Variants in RARB observed in about 807,000 individuals in gnomAD.
The protein encoded by RARB is retinoic acid receptor beta.
A neutral mutation model predicts 51.9 loss-of-function variants in RARB; 17 were observed. The observed-to-expected ratio is 0.33, with a 90% confidence interval of 0.22 to 0.49. The LOEUF (loss-of-function observed/expected upper bound fraction) is 0.49. Among genes scored for constraint, RARB ranks in the 20% least tolerant of loss-of-function variants. The pLI, the probability that RARB is intolerant of heterozygous loss-of-function variation, is 0.99. For synonymous variants in RARB, 215 were observed against 195.4 expected (o/e 1.10, Z -0.84); for missense variants, 369 against 550.8 (o/e 0.67, Z 3.30).
In RARB at chr3:25,106,986, C is replaced by T. The variant is rs139046862; in HGVS notation, c.-327-25175C>T. On this transcript the variant is annotated intron_variant, in intron 3 of 11. Coordinates refer to the RARB transcript ENST00000383772. Reference sequence around the variant, plus strand: ...CACGATCTCAGCTCACTGCAACCTCCGCCTCCCGGGTTCAAGCAATTCTCC... The same window carrying T: ...CACGATCTCAGCTCACTGCAACCTCTGCCTCCCGGGTTCAAGCAATTCTCC... Among the ~76,000 whole-genome samples the T allele has an allele frequency of 3.3e-3, 507 of 151,956 alleles. 4 individuals are homozygous for T. In the East Asian group the frequency reaches 0.035, roughly 10 times the overall value.
At chr3:24,912,521 T>C (rs922886917) in intron 2 of RARB, among the ~76,000 whole-genome samples, 1 of 152,134 alleles carries the variant, frequency 6.6e-6, no homozygotes, top group African/African-American at 2.4e-5. Context: ...GTAGGGAGAA[T>C]AGAAACCAAT....
intron 5 of RARB, among the ~76,000 whole-genome samples, chr3:25,295,734 A>G (rs1057371986): frequency 6.6e-6 from 1 of 152,198 alleles, no homozygotes; most frequent in Non-Finnish European, 1.5e-5. Flanking sequence ...TGTGGACAAG[A>G]TGGGACTATT....
intron 4 of RARB, among the ~76,000 whole-genome samples, chr3:25,132,573 G>T (rs1699970686): frequency 2.0e-5 from 3 of 151,776 alleles, no homozygotes; most frequent in South Asian, 2.1e-4. Flanking sequence ...CGTTATGCTT[G>T]GCACTTTTAT....
chr3:25,322,418 T>C (rs1704598207), intron 5 of RARB, among the ~76,000 whole-genome samples: 3 of 152,190 alleles, frequency 2.0e-5, no homozygotes, highest in South Asian at 2.1e-4. Flanking sequence ...AAGTAAAATA[T>C]TGACTTGACC....
At chr3:25,466,624 A>G (rs893711433) in intron 2 of RARB, among the ~76,000 whole-genome samples, 3 of 152,146 alleles carry the variant, frequency 2.0e-5, no homozygotes, top group African/African-American at 7.2e-5. Context: ...TCAAAATAAC[A>G]CTGCCTCTTT....
At chr3:24,987,675 C>A (rs1369328612) in intron 2 of RARB, among the ~76,000 whole-genome samples, 2 of 152,156 alleles carry the variant, frequency 1.3e-5, no homozygotes, top group African/African-American at 4.8e-5. Flanking sequence ...AGGTCTAAAT[C>A]CTGGTGGAAA....
Position 24,974,934 on chromosome 3 carries a change from T to C in RARB, c.-379-85191T>C, listed in dbSNP as rs1030909716. 5.9e-5 allele frequency among the ~76,000 whole-genome samples: 9 copies of C among 152,292 alleles called. No homozygotes were observed. In the Middle Eastern group the frequency reaches 0.014, roughly 230 times the overall value. On this transcript the variant is annotated intron_variant, in intron 2 of 11. Coordinates refer to the RARB transcript ENST00000383772. ...AAATGTTATACAAGGTTGGATTGTT[T>C]AGCTTTTAGAGCCACACTGGCCAAT...
At position 25,061,250 on chromosome 3, in the gene RARB, T is replaced by C. The variant is rs572546468; in HGVS notation, c.-328+1074T>C. 8.6e-5 allele frequency among the ~76,000 whole-genome samples: 13 copies of C among 151,992 alleles called. 1 individual carries two copies. The South Asian group carries it at 2.7e-3, about 31-fold the overall frequency. On this transcript the variant is annotated intron_variant, in intron 3 of 11. Coordinates refer to the RARB transcript ENST00000383772. ...TATTCATCATTTCCTTCGTTATTAT[T>C]TTGGGAGAAAGATAAATATGTACAT...
intron 2 of RARB, among the ~76,000 whole-genome samples, chr3:25,466,313 G>A (rs368653067): frequency 4.6e-5 from 7 of 152,008 alleles, no homozygotes; most frequent in African/African-American, 1.7e-4. Flanking sequence ...TCAGCCTCCC[G>A]AGTAGCTGGG....
chr3:25,102,494 C>G (rs547300239), intron 3 of RARB, among the ~76,000 whole-genome samples: 1 of 151,666 alleles, frequency 6.6e-6, no homozygotes, highest in African/African-American at 2.4e-5. Flanking sequence ...GAGCCAAGAT[C>G]GTGCCATTGC....
At chr3:25,421,837 A>G (rs1220784115) in intron 5 of RARB, among the ~76,000 whole-genome samples, 4 of 152,220 alleles carry the variant, frequency 2.6e-5, no homozygotes, top group Admixed American at 2.6e-4. Context: ...CTAGCCAGAC[A>G]GCTAGTAAGA....
At chr3:25,201,782 C>G (rs974928392) in intron 5 of RARB, among the ~76,000 whole-genome samples, 4 of 152,102 alleles carry the variant, frequency 2.6e-5, no homozygotes, top group Non-Finnish European at 4.4e-5. Flanking sequence ...GGATGAAGCC[C>G]ACTTGATCGT....
intron 5 of RARB, among the ~76,000 whole-genome samples, chr3:25,279,698 C>T (rs762084514): frequency 2.0e-5 from 3 of 151,258 alleles, no homozygotes; most frequent in Non-Finnish European, 2.9e-5. Flanking sequence ...ATGGCCAGAG[C>T]CAATGAAGAA....
chr3:25,468,489 TAA>T (rs1448759347), intron 2 of RARB, among the ~76,000 whole-genome samples: 1 of 151,020 alleles, frequency 6.6e-6, no homozygotes, highest in Non-Finnish European at 1.5e-5. Flanking sequence ...TCCGAGTAGT[TAA>T]GGAACGTGGC....
intron 2 of RARB, among the ~76,000 whole-genome samples, chr3:24,913,855 A>T (rs1432862597): frequency 6.6e-6 from 1 of 152,244 alleles, no homozygotes; most frequent in Non-Finnish European, 1.5e-5. Flanking sequence ...AGTCTAAAAT[A>T]GTACTCCAGC....
intron 2 of RARB, among the ~76,000 whole-genome samples, chr3:25,035,231 C>T (rs1002414357): frequency 4.6e-5 from 7 of 152,068 alleles, no homozygotes; most frequent in African/African-American, 1.7e-4. Flanking sequence ...AAGCAATCCT[C>T]CCACCTCAGC....
intron 2 of RARB, among the ~76,000 whole-genome samples, chr3:24,871,885 A>G (rs181806222): frequency 6.6e-6 from 1 of 152,234 alleles, no homozygotes; most frequent in Admixed American, 6.5e-5. Context: ...AGGAAATCCT[A>G]TTAGCTCTTC....
intron 5 of RARB, among the ~76,000 whole-genome samples, chr3:25,346,337 C>A (rs1705392744): frequency 1.3e-5 from 2 of 152,068 alleles, no homozygotes; most frequent in African/African-American, 2.4e-5. Context: ...TTTTTAATAA[C>A]CTTTAGGGTT....
chr3:25,058,598 T>TA (rs1698487430), intron 2 of RARB, among the ~76,000 whole-genome samples: 3 of 151,782 alleles, frequency 2.0e-5, no homozygotes, highest in South Asian at 4.1e-4. Flanking sequence ...TCTTTGAAAT[T>TA]AAAAAAATCC....
Sources: allele counts gnomAD v4.1 joint callset (sites outside exome capture counted in the v4.1 genomes callset), GRCh38; gene constraint gnomAD v4.1.1; transcripts MANE v1.5; gene names NCBI Gene and HGNC (gene_info 2026-07-23, HGNC 2026-07-21).